Variants in PCDHGB6 observed in about 807,000 individuals in gnomAD.
PCDHGB6 encodes protocadherin gamma subfamily B, 6, also known as protocadherin gamma-B6.
In PCDHGB6, 51 loss-of-function variants were observed where a neutral mutation model predicts 59.1. The ratio of observed to expected loss-of-function variants is 0.86; its 90% CI spans 0.69 to 1.09. PCDHGB6 has a LOEUF of 1.09. Among genes scored for constraint, PCDHGB6 ranks in the 50% least tolerant of loss-of-function variants. The probability of loss-of-function intolerance (pLI) is 0.00; values close to 1 mark genes in which losing one functional copy is unlikely to be tolerated. For synonymous variants in PCDHGB6, 466 were observed against 495.1 expected (o/e 0.94, Z 0.78); for missense variants, 1,148 against 1,205.1 (o/e 0.95, Z 0.70).
At chr5:141,499,679 T>G (rs2099793341) in intron 2 of PCDHGB6, among the ~76,000 whole-genome samples, 1 of 150,922 alleles carries the variant, frequency 6.6e-6, no homozygotes, top group South Asian at 2.1e-4. Context: ...CCACCATCTT[T>G]AACAGATGAC....
intron 1 of PCDHGB6, chr5:141,430,977 A>G (rs761722055): frequency 1.2e-5 from 20 of 1,613,408 alleles, no homozygotes; most frequent in Middle Eastern, 1.7e-4. Flanking sequence ...GGTAGGACGC[A>G]GCTTTTCGCC....
intron 1 of PCDHGB6, among the ~76,000 whole-genome samples, chr5:141,434,451 A>C (rs145324240): frequency 6.6e-6 from 1 of 152,210 alleles, no homozygotes; most frequent in Non-Finnish European, 1.5e-5. Context: ...GCTGGAAGGT[A>C]GTGGGTTTAC....
intron 1 of PCDHGB6, chr5:141,441,665 A>G (rs994092543): frequency 2.3e-5 from 6 of 265,720 alleles, no homozygotes; most frequent in Non-Finnish European, 3.7e-5. Context: ...CCTTGAGCGC[A>G]CAGTGCGCCT....
Position 141,485,813 on chromosome 5 carries a change from G to A in PCDHGB6, c.2419-8994G>A. The A allele has an allele frequency of 1.9e-6, 3 of 1,614,078 alleles. No individual in the cohort carries two copies. Among genetic ancestry groups the A allele is most frequent in the Non-Finnish European group, 2.5e-6 (3 of 1,180,008 alleles). On this transcript the variant is annotated intron_variant, in intron 1 of 3. Coordinates refer to ENST00000520790, the MANE Select transcript of PCDHGB6 (RefSeq NM_018926.3). This position sits in a 1 kb window ranked among gnomAD's most constrained non-coding sequence, Gnocchi z 5.7. ...ATCGGACTACCGCCTGGTGCTGACT[G>A]CTGTCGATGGAGGGAACCCGCCGAG... is the stretch of plus-strand genomic sequence containing the variant.
chr5:141,419,968 T>G lies in PCDHGB6; in HGVS notation c.2418+9348T>G, dbSNP rs766617414. ...CCTTGGCCTTGATTTCTGTGCTCTT[T>G]CTCCTCGCGGTGATTCTAGCTATTG... is the stretch of plus-strand genomic sequence containing the variant. On this transcript the variant is annotated intron_variant, in intron 1 of 3. Transcript: ENST00000520790. The G allele has an allele frequency of 6.2e-6, 10 of 1,614,036 alleles. No homozygotes were observed. The South Asian group carries it at 1.1e-4, about 18-fold the overall frequency.
chr5:141,424,076 A>C, intron 1 of PCDHGB6: 2 of 979,452 alleles, frequency 2.0e-6, no homozygotes, highest in Non-Finnish European at 2.5e-6. Flanking sequence ...TTGTAGTTAT[A>C]TTCCACCATT....
intron 3 of PCDHGB6, among the ~76,000 whole-genome samples, chr5:141,509,398 G>A (rs1218925417): frequency 6.6e-6 from 1 of 152,106 alleles, no homozygotes; most frequent in Admixed American, 6.5e-5. Context: ...GGATCTCAGG[G>A]CCTCCAGCAG....
rs2096779089 is a variant in PCDHGB6, at chr5:141,423,760, G to GA, written c.2418+13140_2418+13141insA. On this transcript the variant is annotated intron_variant, in intron 1 of 3. Transcript: ENST00000520790. ...GTTATGAAAACTGTTTGGGGGGGGG[G>GA]TGGGGCGGCATATATTTAGTTCATA... 1.1e-5 allele frequency: 3 copies of GA among 279,664 alleles called. 1 individual carries two copies. Among genetic ancestry groups the GA allele is most frequent in the African/African-American group, 6.7e-5 (2 of 29,702 alleles). The allele number at this position is 279,664 out of a possible 1,614,324, so 17.3% of individuals were successfully genotyped here.
intron 1 of PCDHGB6, chr5:141,441,038 G>T (rs1263659082): frequency 1.3e-5 from 2 of 152,156 alleles, no homozygotes; most frequent in Non-Finnish European, 2.9e-5. Flanking sequence ...AAAACTTTAA[G>T]TACATTGGAC....
At chr5:141,501,290 TACACACACACACACAC>T (rs55762287) in intron 2 of PCDHGB6, among the ~76,000 whole-genome samples, 7 of 136,164 alleles carry the variant, frequency 5.1e-5, no homozygotes, top group South Asian at 2.4e-4. Context: ...TATTCCCTTA[TACACACACACACACAC>T]ACACACACAC....
intron 2 of PCDHGB6, among the ~76,000 whole-genome samples, chr5:141,496,123 C>T (rs2099766207): frequency 6.6e-6 from 1 of 152,098 alleles, no homozygotes; most frequent in African/African-American, 2.4e-5. Flanking sequence ...CTTCCCTGCC[C>T]CTCACACACT....
At chr5:141,426,764 T>C (rs1285434687) in intron 1 of PCDHGB6, 5 of 456,638 alleles carry the variant, frequency 1.1e-5, no homozygotes, top group Non-Finnish European at 2.2e-5. Flanking sequence ...TAGATGCAGA[T>C]GTAGGGCCTC....
chr5:141,415,026 G>T, intron 1 of PCDHGB6: 2 of 1,613,590 alleles, frequency 1.2e-6, no homozygotes, highest in Non-Finnish European at 1.7e-6. Context: ...AGGCCAGCGA[G>T]CCGGGACTCT....
At chr5:141,413,355 C>G in intron 1 of PCDHGB6, 1 of 1,613,952 alleles carries the variant, frequency 6.2e-7, no homozygotes, top group Non-Finnish European at 8.5e-7. Context: ...GTCTGGCGCC[C>G]CGGGAGCTGG....
chr5:141,487,041 G>T lies in PCDHGB6; in HGVS notation c.2419-7766G>T, dbSNP rs149314216. Reference sequence around the variant, plus strand: ...GATCCCAGCCTGTTTGCAGTCTCTCGATATGCTGGGGAGGTGCGGACGGCT... The same window carrying T: ...GATCCCAGCCTGTTTGCAGTCTCTCTATATGCTGGGGAGGTGCGGACGGCT... On this transcript the variant is annotated intron_variant, in intron 1 of 3. Transcript: ENST00000520790. This position sits in a 1 kb window ranked among gnomAD's most constrained non-coding sequence, Gnocchi z 5.0. 6.2e-7 allele frequency: 1 copy of T among 1,614,132 alleles called. No homozygotes were observed. The highest frequency in any genetic ancestry group is 8.5e-7 in the Non-Finnish European group (1 of 1,180,030).
At position 141,409,483 on chromosome 5, in the gene PCDHGB6, G is replaced by C; in HGVS notation, c.1281G>C (p.Arg427Ser). The C allele has an allele frequency of 6.2e-7, 1 of 1,613,944 alleles. No homozygotes were observed. The highest frequency in any genetic ancestry group is 8.5e-7 in the Non-Finnish European group (1 of 1,179,892). The change falls in exon 1 of 4, where the codon AGG (arginine) becomes AGC (serine). Residue 427 changes from arginine (R) to serine (S), a missense_variant. Physicochemically the swap from Arg to Ser is moderately radical, Grantham distance 110 (BLOSUM62 -1). Coordinates refer to ENST00000520790, the MANE Select transcript of PCDHGB6 (RefSeq NM_018926.3). Reference sequence around the variant, plus strand: ...ATGTCACCATCGTAGCCACTGACAGGGGCAAGCCGCCTCTTTCTTCCAGTA... The same window carrying C: ...ATGTCACCATCGTAGCCACTGACAGCGGCAAGCCGCCTCTTTCTTCCAGTA... Reference protein sequence around the residue: ...EYNVTIVATDRGKPPLSSSRS... With the variant: ...EYNVTIVATDSGKPPLSSSRS...
intron 1 of PCDHGB6, chr5:141,440,130 A>G (rs1222064545): frequency 6.6e-6 from 1 of 152,282 alleles, no homozygotes; most frequent in African/African-American, 2.4e-5. Context: ...TGAATGGATC[A>G]GGAGCAGATA....
chr5:141,499,689 C>CTTTTT (rs545067566), intron 2 of PCDHGB6, among the ~76,000 whole-genome samples: 5 of 119,848 alleles, frequency 4.2e-5, no homozygotes, highest in Admixed American at 8.7e-5. Context: ...TAACAGATGA[C>CTTTTT]TTTTTTTTTT....
At chr5:141,414,061 T>C in intron 1 of PCDHGB6, 1 of 1,609,248 alleles carries the variant, frequency 6.2e-7, no homozygotes, top group Non-Finnish European at 8.5e-7. Flanking sequence ...ATTGTTGAAG[T>C]TCCAACTAAA....
Sources: gnomAD v4.1 joint callset for allele counts (sites outside exome capture counted in the v4.1 genomes callset) on GRCh38, gnomAD v4.1.1 for gene constraint, Gnocchi (gnomAD v3.1) non-coding constraint, MANE v1.5 for transcripts, NCBI Gene and HGNC (gene_info 2026-07-23, HGNC 2026-07-21) for gene names.